Variants in FNBP1 observed in about 807,000 individuals in gnomAD.
FNBP1 encodes formin-binding protein 1.
FNBP1 carries 26 observed loss-of-function variants against 90.6 expected under a neutral mutation model. The ratio of observed to expected loss-of-function variants is 0.29; its 90% CI spans 0.21 to 0.40. The LOEUF (loss-of-function observed/expected upper bound fraction) is 0.40. Ranked by LOEUF, FNBP1 falls within the 10% of genes least tolerant of loss-of-function variation. FNBP1 has a pLI of 1.00. For missense variants in FNBP1, 635 were observed against 768.0 expected, an observed-to-expected ratio of 0.83 and a Z score of 2.05; for synonymous variants, 260 against 265.2, an observed-to-expected ratio of 0.98 and a Z score of 0.19.
At chr9:129,924,546 A>G (rs1364015420) in intron 9 of FNBP1, among the ~76,000 whole-genome samples, 1 of 152,228 alleles carries the variant, frequency 6.6e-6, no homozygotes, top group African/African-American at 2.4e-5. Context: ...AAAAATGTTC[A>G]TGGGTACACA....
At chr9:129,914,917 G>A (rs770263273) in intron 11 of FNBP1, 2 of 477,682 alleles carry the variant, frequency 4.2e-6, no homozygotes, top group South Asian at 3.1e-5. Flanking sequence ...TGTGGAGTTT[G>A]AGAAGACTAT....
At chr9:129,965,922 G>A (rs962723426) in intron 4 of FNBP1, among the ~76,000 whole-genome samples, 1 of 151,958 alleles carries the variant, frequency 6.6e-6, no homozygotes, top group African/African-American at 2.4e-5. Context: ...TCCCTTCTGA[G>A]GATATAAAGC....
At chr9:129,930,058 ATT>A (rs374886919) in intron 6 of FNBP1, among the ~76,000 whole-genome samples, 1 of 138,262 alleles carries the variant, frequency 7.2e-6, no homozygotes, top group African/African-American at 2.7e-5. Flanking sequence ...TGAGAAATTC[ATT>A]TTTTTTTTTT....
chr9:129,900,305 C>T lies in FNBP1; in HGVS notation c.1550+121G>A, dbSNP rs568304704. On this transcript the variant is annotated intron_variant, in intron 14 of 16. Transcript: ENST00000446176. This position sits in a 1 kb window ranked among gnomAD's most constrained non-coding sequence, Gnocchi z 4.1. ...ATCATGGAAAAAGTGACAGGTCAAT[C>T]GCAACAGACATTTTGGCATTGAACA... 2.4e-5 allele frequency: 29 copies of T among 1,185,528 alleles called. No homozygotes were observed. In the South Asian group the frequency reaches 3.7e-4, roughly 15 times the overall value. 73.4% of individuals were successfully genotyped at this position (1,185,528 alleles called of 1,614,324 possible).
intron 1 of FNBP1, among the ~76,000 whole-genome samples, chr9:130,036,041 A>T (rs538456085): frequency 1.2e-4 from 18 of 152,362 alleles, no homozygotes; most frequent in Non-Finnish European, 2.4e-4. Flanking sequence ...AGTTTTTTTA[A>T]CTAAACACAT....
chr9:129,916,060 AG>A, intron 10 of FNBP1, 80 bp from the exon 11 acceptor site: 1 of 1,003,384 alleles, frequency 1.0e-6, no homozygotes, highest in Non-Finnish European at 1.6e-6. Flanking sequence ...ACAACACATC[AG>A]AAGAAGAGGA....
intron 1 of FNBP1, among the ~76,000 whole-genome samples, chr9:130,014,299 TGGA>T (rs1340086647): frequency 1.3e-5 from 2 of 151,356 alleles, no homozygotes; most frequent in Non-Finnish European, 2.9e-5. Context: ...CCGCCCAGGC[TGGA>T]GTGCAATGGC....
At chr9:129,995,995 C>T (rs1436601343) in intron 1 of FNBP1, among the ~76,000 whole-genome samples, 1 of 152,140 alleles carries the variant, frequency 6.6e-6, no homozygotes, top group Non-Finnish European at 1.5e-5. Context: ...CAAACACAAT[C>T]AACTAGTGTG....
At chr9:129,981,524 T>A (rs570339374) in intron 2 of FNBP1, among the ~76,000 whole-genome samples, 21 of 152,328 alleles carry the variant, frequency 1.4e-4, no homozygotes, top group Admixed American at 1.4e-3. Flanking sequence ...AATCTACAGA[T>A]GTGCCTAGAA....
chr9:129,935,554 C>G (rs1248324173), intron 6 of FNBP1, among the ~76,000 whole-genome samples: 1 of 152,042 alleles, frequency 6.6e-6, no homozygotes, highest in Non-Finnish European at 1.5e-5. Flanking sequence ...GTGGTGCAAT[C>G]TCGGTTCACT....
chr9:129,948,285 CAAACA>C (rs1236020918), intron 6 of FNBP1, among the ~76,000 whole-genome samples: 3 of 149,618 alleles, frequency 2.0e-5, no homozygotes, highest in Admixed American at 2.0e-4. Context: ...AACAAACAAA[CAAACA>C]AAATACCTAT....
chr9:129,923,457 T>A (rs190915468), intron 10 of FNBP1, among the ~76,000 whole-genome samples: 1 of 151,722 alleles, frequency 6.6e-6, no homozygotes, highest in East Asian at 1.9e-4. Flanking sequence ...CATATGCCTG[T>A]AATCACAGCT....
At chr9:130,000,230 C>T (rs1194317334) in intron 1 of FNBP1, among the ~76,000 whole-genome samples, 1 of 152,208 alleles carries the variant, frequency 6.6e-6, no homozygotes, top group Non-Finnish European at 1.5e-5. Flanking sequence ...GTGGCCCACA[C>T]CTGTAATCCC....
At chr9:129,895,788 AT>A (rs767653326) in intron 16 of FNBP1, 49 bp downstream of exon 16, 18 of 1,480,006 alleles carry the variant, frequency 1.2e-5, no homozygotes, top group Middle Eastern at 1.8e-4. Context: ...AAACAACTCC[AT>A]TTTTTTTAAG....
intron 6 of FNBP1, among the ~76,000 whole-genome samples, chr9:129,945,168 C>T (rs937959069): frequency 3.3e-4 from 50 of 152,036 alleles, no homozygotes; most frequent in Admixed American, 1.7e-3. Context: ...GAATAATAAA[C>T]GTGTCTTTTC....
chr9:129,923,724 T>TA, intron 10 of FNBP1, 120 bp downstream of exon 10: 1 of 1,117,496 alleles, frequency 8.9e-7, no homozygotes, highest in Non-Finnish European at 1.2e-6. Context: ...TTTTTTTTTT[T>TA]AACTTTTTTA....
intron 1 of FNBP1, among the ~76,000 whole-genome samples, chr9:130,009,387 C>T (rs887503806): frequency 1.3e-5 from 2 of 152,112 alleles, no homozygotes; most frequent in African/African-American, 2.4e-5. Flanking sequence ...AGGGGCTGGA[C>T]GCAGTGGCTC....
chr9:129,903,736 GC>G (rs1488458110), intron 12 of FNBP1, among the ~76,000 whole-genome samples: 1 of 151,974 alleles, frequency 6.6e-6, no homozygotes, highest in Non-Finnish European at 1.5e-5. Flanking sequence ...TTGCCATGTT[GC>G]CCAGGCTGGT....
intron 1 of FNBP1, among the ~76,000 whole-genome samples, chr9:130,033,655 AGG>A (rs2059009614): frequency 1.3e-5 from 2 of 151,498 alleles, no homozygotes; most frequent in Admixed American, 1.3e-4. Flanking sequence ...TGGGCAACAC[AGG>A]AAGACCCCCC....
Sources: gnomAD v4.1 joint callset for allele counts (sites outside exome capture counted in the v4.1 genomes callset) on GRCh38, gnomAD v4.1.1 for gene constraint, Gnocchi (gnomAD v3.1) non-coding constraint, MANE v1.5 for transcripts, NCBI Gene and HGNC (gene_info 2026-07-23, HGNC 2026-07-21) for gene names.